Variants in SACS observed in about 807,000 individuals in gnomAD.
The protein encoded by SACS is sacsin molecular chaperone.
In SACS, 197 loss-of-function variants were observed where a neutral mutation model predicts 348.0. That is an observed-to-expected ratio of 0.57 (90% CI 0.50 to 0.64). The LOEUF (loss-of-function observed/expected upper bound fraction) is 0.64. Ranked by LOEUF, SACS falls within the 30% of genes least tolerant of loss-of-function variation. The pLI, the probability that SACS is intolerant of heterozygous loss-of-function variation, is 0.00. For synonymous variants in SACS, 1,985 were observed against 1,910.6 expected, an observed-to-expected ratio of 1.04 and a Z score of -1.02; for missense variants, 4,999 against 5,360.8, an observed-to-expected ratio of 0.93 and a Z score of 2.11.
In SACS at chr13:23,355,424, G is replaced by A; in HGVS notation, c.1188C>T (p.Asn396=). 1 of 1,614,040 alleles carries A rather than the reference G, an allele frequency of 6.2e-7. No individual in the cohort carries two copies. Among genetic ancestry groups the A allele is most frequent in the Non-Finnish European group, 8.5e-7 (1 of 1,180,004 alleles). Residue 396 remains asparagine, a synonymous_variant, in exon 8 of 10, where the codon AAC becomes AAT. Coordinates refer to ENST00000382292, the MANE Select transcript of SACS (RefSeq NM_014363.6). ...DAQKTSWLVC[N]SVGGRGISSK... ...TACTGATCCCTCGCCCACCCACACT[G>A]TTACACACCAACCAAGATGTTTTCT...
chr13:23,337,946 T>G lies in SACS; in HGVS notation c.5930A>C (p.Lys1977Thr). ...IAHGKGKELT[K>T]VFSDGSTWVS... ...CCAAGTAGATCCATCAGAGAAGACTTTGGTCAGTTCTTTCCCTTTTCCATG... is the reference window on the plus strand; with the variant it reads ...CCAAGTAGATCCATCAGAGAAGACTGTGGTCAGTTCTTTCCCTTTTCCATG... The change falls in exon 10 of 10, where the codon AAA (lysine) becomes ACA (threonine). Residue 1977 changes from lysine to threonine, a missense_variant. Physicochemically the swap from Lys to Thr is moderately conservative, Grantham distance 78 (BLOSUM62 -1). This residue lies in a region of SACS where 3,156 missense variants were observed against 3,380.1 expected (regional missense o/e 0.93). Coordinates refer to ENST00000382292, the MANE Select transcript of SACS (RefSeq NM_014363.6). 1 of 1,614,052 alleles carries G rather than the reference T, an allele frequency of 6.2e-7. No homozygotes were observed. The highest frequency in any genetic ancestry group is 8.5e-7 in the Non-Finnish European group (1 of 1,179,970).
intron 1 of SACS, among the ~76,000 whole-genome samples, chr13:23,414,258 C>T (rs61946973): frequency 0.052 from 7,971 of 152,240 alleles, 254 homozygotes; most frequent in East Asian, 0.13. Flanking sequence ...GAGCAGAGAT[C>T]GCACCACTGC....
At chr13:23,407,285 A>G (rs533064019) in intron 2 of SACS, among the ~76,000 whole-genome samples, 5 of 151,932 alleles carry the variant, frequency 3.3e-5, no homozygotes, top group East Asian at 1.9e-4. Context: ...TGCAAGCTCC[A>G]CCTCCCAGGT....
At chr13:23,345,167 G>A (rs904803212) in intron 9 of SACS, among the ~76,000 whole-genome samples, 3 of 152,206 alleles carry the variant, frequency 2.0e-5, no homozygotes, top group East Asian at 1.9e-4. Context: ...GGCAGCTTGC[G>A]TAGCTGATGA....
intron 2 of SACS, among the ~76,000 whole-genome samples, chr13:23,406,730 A>G (rs1873235064): frequency 1.3e-5 from 2 of 152,186 alleles, no homozygotes; most frequent in African/African-American, 2.4e-5. Flanking sequence ...TAATGGGCAA[A>G]AAAACCCCTC....
intron 2 of SACS, among the ~76,000 whole-genome samples, chr13:23,403,235 C>A (rs574498884): frequency 1.4e-4 from 21 of 151,916 alleles, no homozygotes; most frequent in Admixed American, 5.9e-4. Flanking sequence ...AAAAAACTCA[C>A]GTCTCTGCCA....
At chr13:23,409,040 CTTTTTTTTTTTTTTTT>C (rs1175897856) in intron 2 of SACS, among the ~76,000 whole-genome samples, 3 of 35,122 alleles carry the variant, frequency 8.5e-5, no homozygotes, top group Admixed American at 1.2e-3. Context: ...ACAAGTTTTA[CTTTTTTTTTTTTTTTT>C]TTTTTTTTTT....
chr13:23,394,094 G>A (rs1872625081), intron 2 of SACS, among the ~76,000 whole-genome samples: 1 of 152,158 alleles, frequency 6.6e-6, no homozygotes, highest in South Asian at 2.1e-4. Flanking sequence ...CCAGGTGGGG[G>A]CTGGTGGCCA....
intron 9 of SACS, among the ~76,000 whole-genome samples, chr13:23,352,854 T>C (rs942620042): frequency 1.3e-5 from 2 of 152,220 alleles, no homozygotes; most frequent in African/African-American, 4.8e-5. Context: ...TTACTCTCAC[T>C]TTAACTCCAA....
At chr13:23,406,674 T>G (rs1475678955) in intron 2 of SACS, among the ~76,000 whole-genome samples, 1 of 152,160 alleles carries the variant, frequency 6.6e-6, no homozygotes, top group Non-Finnish European at 1.5e-5. Flanking sequence ...AAGGGAGAAT[T>G]TTATTATAGG....
rs1217827642 is a variant in SACS at position 23,356,004 on chromosome 13, AC to A, written c.607del (p.Val203PhefsTer13). ...TTGGTCACCACTAAAGATACAAGGAACATCTGTAAAGAAAAATTTAAGTCAT... is the reference window on the plus strand; with the variant it reads ...TTGGTCACCACTAAAGATACAAGGAAATCTGTAAAGAAAAATTTAAGTCAT... ...GFNSVYHITDVPCIFSGDQIG... is the reference protein window; with the variant it reads ...GFNSVYHITDXPCIFSGDQIG... On this transcript the variant is annotated frameshift_variant and splice_region_variant, in exon 8 of 10. Transcript: ENST00000382292. LOFTEE classifies it high-confidence loss of function. 1 of 1,612,504 alleles carries A rather than the reference AC, an allele frequency of 6.2e-7. No individual in the cohort carries two copies. The highest frequency in any genetic ancestry group is 8.5e-7 in the Non-Finnish European group (1 of 1,179,174).
chr13:23,376,138 G>A (rs9550961), intron 2 of SACS, among the ~76,000 whole-genome samples: 69,219 of 152,016 alleles, frequency 0.46, 17,507 homozygotes, highest in Admixed American at 0.61. Flanking sequence ...GCACATAAAT[G>A]TATCCTATGA....
At chr13:23,381,413 G>T (rs920242853) in intron 2 of SACS, among the ~76,000 whole-genome samples, 1 of 147,094 alleles carries the variant, frequency 6.8e-6, no homozygotes, top group African/African-American at 2.5e-5. Context: ...ACTCTGGCTG[G>T]ACGTGGGCAG....
In SACS at chr13:23,332,649, G is replaced by A. The variant is rs1258960372; in HGVS notation, c.11227C>T (p.Pro3743Ser). 1 of 1,613,676 alleles carries A rather than the reference G, an allele frequency of 6.2e-7. No homozygotes were observed. The highest frequency in any genetic ancestry group is 8.5e-7 in the Non-Finnish European group (1 of 1,179,920). ...TTATTGATTACCTTATCAAGAGGAG[G>A]ATCCAGGTTAACATTAAGCATATTT... ...VLNMLNVNLDPPLDKVINNCR... is the reference protein window; with the variant it reads ...VLNMLNVNLDSPLDKVINNCR... Residue 3743 changes from proline to serine, a missense_variant, in exon 10 of 10, where the codon CCT (proline) becomes TCT (serine). Pro to Ser is a moderately conservative substitution (Grantham distance 74). Transcript: ENST00000382292.
chr13:23,400,858 A>T (rs892749066), intron 2 of SACS, among the ~76,000 whole-genome samples: 1 of 152,162 alleles, frequency 6.6e-6, no homozygotes, highest in Non-Finnish European at 1.5e-5. Context: ...CTTGATCTAC[A>T]ATTGACCTTG....
At chr13:23,350,866 G>C (rs531045742) in intron 9 of SACS, among the ~76,000 whole-genome samples, 1 of 152,298 alleles carries the variant, frequency 6.6e-6, no homozygotes, top group East Asian at 1.9e-4. Flanking sequence ...TTGAGAAAAA[G>C]CATCTGCACA....
In SACS at chr13:23,340,460, T is replaced by G. The variant is rs1465972997; in HGVS notation, c.3416A>C (p.His1139Pro). The change falls in exon 10 of 10, where the codon CAC (histidine) becomes CCC (proline). Residue 1139 changes from histidine (H) to proline (P), a missense_variant. His to Pro is a moderately conservative substitution (Grantham distance 77). Around this residue, in one of 6 missense-constraint regions of SACS, gnomAD observed 3,156 missense variants for 3,380.1 expected, o/e 0.93. Transcript: ENST00000382292. ...TCCTTCAGATGATTGCAACAGTGTG[T>G]GATTCTTATTTAAAACCAGTAAGAG... ...KTLLLVLNKN[H>P]TLLQSSEGKM... is the part of the protein sequence containing the mutation. 1 of 1,613,740 alleles carries G rather than the reference T, an allele frequency of 6.2e-7. No individual in the cohort carries two copies. The highest frequency in any genetic ancestry group is 2.2e-5 in the East Asian group (1 of 44,898).
At chr13:23,428,378 G>C (rs1874280365) in intron 1 of SACS, 1 of 152,190 alleles carries the variant, frequency 6.6e-6, no homozygotes, top group South Asian at 2.1e-4. Flanking sequence ...AGACTAAATT[G>C]GTTTAAAAAT....
At position 23,334,634 on chromosome 13, in the gene SACS, T is replaced by C; in HGVS notation, c.9242A>G (p.His3081Arg). The change falls in exon 10 of 10, where the codon CAC (histidine) becomes CGC (arginine). Residue 3081 changes from histidine to arginine, a missense_variant. By Grantham distance (29) the His-to-Arg change is conservative. Transcript: ENST00000382292. Reference protein sequence around the residue: ...YNCDETANLYHCLIDADIPVS... With the variant: ...YNCDETANLYRCLIDADIPVS... ...AGGAATATCTGCATCTATAAGACAG[T>C]GGTAAAGATTAGCAGTTTCATCACA... The C allele has an allele frequency of 6.2e-7, 1 of 1,613,456 alleles. No individual in the cohort carries two copies. Among genetic ancestry groups the C allele is most frequent in the South Asian group, 1.1e-5 (1 of 91,060 alleles).
Sources: gnomAD v4.1 joint callset for allele counts (sites outside exome capture counted in the v4.1 genomes callset) on GRCh38, gnomAD v4.1.1 for gene constraint, gnomAD v4.1.1 regional missense constraint, MANE v1.5 for transcripts, NCBI Gene and HGNC (gene_info 2026-07-23, HGNC 2026-07-21) for gene names.